AP3B1: variants seen among roughly 807,000 people sequenced by gnomAD.
AP3B1 encodes AP-3 complex subunit beta-1.
In AP3B1, 61 loss-of-function variants were observed where a neutral mutation model predicts 132.5. That is an observed-to-expected ratio of 0.46 (90% CI 0.37 to 0.57). The LOEUF (loss-of-function observed/expected upper bound fraction) is 0.57, where lower values mean the gene tolerates loss of function less well. Among genes scored for constraint, AP3B1 ranks in the 20% least tolerant of loss-of-function variants. AP3B1 has a pLI of 0.00. For synonymous variants in AP3B1, 388 were observed against 438.3 expected, an observed-to-expected ratio of 0.89 and a Z score of 1.43; for missense variants, 1,120 against 1,289.4, an observed-to-expected ratio of 0.87 and a Z score of 2.01.
At chr5:78,124,074 C>A (rs1752355403) in intron 17 of AP3B1, among the ~76,000 whole-genome samples, 2 of 152,150 alleles carry the variant, frequency 1.3e-5, no homozygotes, top group South Asian at 4.1e-4. Flanking sequence ...TGGAAACCAT[C>A]ATTCTCAGCA....
chr5:78,238,178 G>C (rs1746962644), intron 3 of AP3B1, among the ~76,000 whole-genome samples: 1 of 152,124 alleles, frequency 6.6e-6, no homozygotes, highest in African/African-American at 2.4e-5. Context: ...GATTCTCATA[G>C]GAGCACAAAC....
At chr5:78,112,282 T>C (rs1751628384) in intron 19 of AP3B1, among the ~76,000 whole-genome samples, 1 of 152,156 alleles carries the variant, frequency 6.6e-6, no homozygotes, top group Non-Finnish European at 1.5e-5. Context: ...GTAATTATAT[T>C]TGAAGACTGA....
At chr5:78,184,794 T>C (rs551941335) in intron 7 of AP3B1, among the ~76,000 whole-genome samples, 31 of 151,664 alleles carry the variant, frequency 2.0e-4, no homozygotes, top group South Asian at 6.2e-4. Context: ...GAGGCAAGAG[T>C]TGAAAGAGAA....
Position 78,003,059 on chromosome 5 carries a change from G to C in AP3B1, c.3132-4C>G, listed in dbSNP as rs759629484. On this transcript the variant is annotated splice_polypyrimidine_tract_variant and splice_region_variant and intron_variant, in intron 26 of 26. Transcript: ENST00000255194. ...GTGCACAGTTTTAGCTGCAAACCTG[G>C]AAGAGAAAAAAGAGAGACCTTTTAT... The C allele has an allele frequency of 1.2e-6, 2 of 1,613,742 alleles. No homozygotes were observed. The highest frequency in any genetic ancestry group is 1.7e-6 in the Non-Finnish European group (2 of 1,179,912).
chr5:78,138,570 T>A (rs1753009905), intron 15 of AP3B1, among the ~76,000 whole-genome samples: 1 of 152,180 alleles, frequency 6.6e-6, no homozygotes, highest in South Asian at 2.1e-4. Context: ...ACACTATTAA[T>A]CTATTTTCAT....
chr5:78,094,479 C>T (rs141685119), intron 21 of AP3B1, among the ~76,000 whole-genome samples: 2 of 152,188 alleles, frequency 1.3e-5, no homozygotes, highest in African/African-American at 4.8e-5. Context: ...GATAACATTC[C>T]CTCAACAGAT....
chr5:78,177,540 T>C (rs1438082580), intron 8 of AP3B1, 104 bp from the exon 9 acceptor site: 3 of 885,530 alleles, frequency 3.4e-6, no homozygotes, highest in Non-Finnish European at 5.7e-6. Context: ...TACAAATTCC[T>C]GTGACGTAAA....
chr5:78,220,210 C>G (rs1162240109), intron 6 of AP3B1, among the ~76,000 whole-genome samples: 5 of 150,168 alleles, frequency 3.3e-5, no homozygotes, highest in African/African-American at 1.2e-4. Context: ...TATAATCACA[C>G]AAAAGAAAAA....
At chr5:78,092,507 T>C (rs773883561) in intron 21 of AP3B1, among the ~76,000 whole-genome samples, 1 of 152,178 alleles carries the variant, frequency 6.6e-6, no homozygotes, top group Non-Finnish European at 1.5e-5. Context: ...TGTCATAGTA[T>C]ACAAGTTAAA....
chr5:78,167,976 A>G (rs1353492677), intron 11 of AP3B1, among the ~76,000 whole-genome samples: 1 of 148,964 alleles, frequency 6.7e-6, no homozygotes, highest in Non-Finnish European at 1.5e-5. Context: ...GAACTTATGC[A>G]TGTAACCAAA....
chr5:78,008,058 C>T (rs1472070030), intron 26 of AP3B1, among the ~76,000 whole-genome samples: 1 of 152,104 alleles, frequency 6.6e-6, no homozygotes, highest in African/African-American at 2.4e-5. Flanking sequence ...CCCACACTAT[C>T]AGGCCAATGA....
intron 23 of AP3B1, among the ~76,000 whole-genome samples, chr5:78,036,759 C>T (rs1747825789): frequency 2.6e-5 from 4 of 152,088 alleles, no homozygotes; most frequent in South Asian, 2.1e-4. Flanking sequence ...CTGCGGACTC[C>T]TTAATGTGTA....
At chr5:78,074,956 A>G (rs1749700801) in intron 22 of AP3B1, among the ~76,000 whole-genome samples, 1 of 152,218 alleles carries the variant, frequency 6.6e-6, no homozygotes, top group East Asian at 1.9e-4. Flanking sequence ...TGATTCTTCT[A>G]CTATATTAGA....
intron 2 of AP3B1, among the ~76,000 whole-genome samples, chr5:78,260,352 C>A (rs1445217101): frequency 6.6e-6 from 1 of 151,908 alleles, no homozygotes; most frequent in African/African-American, 2.4e-5. Context: ...TTTGGGAGGC[C>A]GAGGAGGGCA....
At chr5:78,018,674 AC>A (rs2112061209) in intron 25 of AP3B1, among the ~76,000 whole-genome samples, 1 of 99,272 alleles carries the variant, frequency 1.0e-5, no homozygotes, top group Non-Finnish European at 2.6e-5. Flanking sequence ...CTGGTGTAAC[AC>A]ACACACACAC....
chr5:78,243,408 A>C (rs1219368183), intron 2 of AP3B1, among the ~76,000 whole-genome samples: 1 of 152,224 alleles, frequency 6.6e-6, no homozygotes, highest in Non-Finnish European at 1.5e-5. Context: ...AAGGAAAAAA[A>C]CACCACAATC....
chr5:78,018,532 CTTAT>C (rs1746952894), intron 25 of AP3B1, among the ~76,000 whole-genome samples: 1 of 151,814 alleles, frequency 6.6e-6, no homozygotes, highest in African/African-American at 2.4e-5. Context: ...CCCCATGTTC[CTTAT>C]TTATAATTTT....
At chr5:78,089,364 C>T (rs774046374) in intron 22 of AP3B1, 29 bp downstream of exon 22, 8 of 1,488,470 alleles carry the variant, frequency 5.4e-6, no homozygotes, top group East Asian at 2.3e-5. Flanking sequence ...ATAAGAAAAC[C>T]GAGCTGGTGG....
At chr5:78,018,333 T>C (rs903487620) in intron 25 of AP3B1, among the ~76,000 whole-genome samples, 2 of 151,884 alleles carry the variant, frequency 1.3e-5, no homozygotes, top group Non-Finnish European at 2.9e-5. Flanking sequence ...TATATATATA[T>C]AAAAAAGTTT....
Sources: gnomAD v4.1 joint callset for allele counts (sites outside exome capture counted in the v4.1 genomes callset) on GRCh38, gnomAD v4.1.1 for gene constraint, MANE v1.5 for transcripts, NCBI Gene and HGNC (gene_info 2026-07-23, HGNC 2026-07-21) for gene names.